The following TMEM9 variants were observed in gnomAD, a reference collection of about 807,000 sequenced individuals.
The protein encoded by TMEM9 is proton-transporting V-type ATPase complex assembly regulator TMEM9.
TMEM9 carries 13 observed loss-of-function variants against 22.8 expected under a neutral mutation model. The ratio of observed to expected loss-of-function variants is 0.57; its 90% CI spans 0.37 to 0.91. The LOEUF is 0.91. Among genes scored for constraint, TMEM9 ranks in the 40% least tolerant of loss-of-function variants. The pLI, the probability that TMEM9 is intolerant of heterozygous loss-of-function variation, is 0.01. For missense variants in TMEM9, 182 were observed against 238.1 expected, an observed-to-expected ratio of 0.76 and a Z score of 1.55; for synonymous variants, 88 against 93.0, an observed-to-expected ratio of 0.95 and a Z score of 0.31.
intron 4 of TMEM9, among the ~76,000 whole-genome samples, chr1:201,141,476 G>T (rs1336236166): frequency 6.6e-6 from 1 of 152,132 alleles, no homozygotes; most frequent in African/African-American, 2.4e-5. Flanking sequence ...CCCAGCCAAG[G>T]GCACCCAATG....
intron 4 of TMEM9, among the ~76,000 whole-genome samples, chr1:201,143,269 T>C (rs7535159): frequency 0.73 from 110,697 of 152,116 alleles, 40,465 homozygotes; most frequent in Non-Finnish European, 0.77. Flanking sequence ...TTCAAACATC[T>C]CTACCCTATC....
At position 201,151,086 on chromosome 1, in the gene TMEM9, A is replaced by T. The variant is rs774233338; in HGVS notation, c.158+675T>A. Among the ~76,000 whole-genome samples the T allele has an allele frequency of 2.6e-5, 4 of 152,240 alleles. No individual in the cohort carries two copies. The South Asian group carries it at 6.2e-4, about 24-fold the overall frequency. On this transcript the variant is annotated intron_variant, in intron 2 of 4. Transcript: ENST00000367330. ...CTGATCCACACCAGTACCTGCTCCC[A>T]CATGTCCCACCTCCCATAACATGCC...
intron 4 of TMEM9, among the ~76,000 whole-genome samples, chr1:201,141,235 C>A (rs1055754251): frequency 6.6e-6 from 1 of 152,254 alleles, no homozygotes; most frequent in Non-Finnish European, 1.5e-5. Context: ...CCAGCCTTTA[C>A]GTTTCCTGCT....
chr1:201,144,364 G>C (rs1664784631), intron 3 of TMEM9: 1 of 197,482 alleles, frequency 5.1e-6, no homozygotes, highest in African/African-American at 2.3e-5. Flanking sequence ...GGAAAGCTGG[G>C]GCCAGGAAAA....
intron 3 of TMEM9, chr1:201,144,683 G>C (rs1458829032): frequency 6.6e-6 from 1 of 152,222 alleles, no homozygotes; most frequent in African/African-American, 2.4e-5. Context: ...CTGGGATTTT[G>C]GGTGGGACAT....
Position 201,140,365 on chromosome 1 carries a change from C to T in TMEM9, c.399+3455G>A, listed in dbSNP as rs149038114. Among the ~76,000 whole-genome samples, 282 of 152,334 alleles carry T rather than the reference C, an allele frequency of 1.9e-3. 2 individuals carry two copies. Among genetic ancestry groups the T allele is most frequent in the African/African-American group, 6.5e-3 (270 of 41,560 alleles). ...AAAACAGCTCTGTTTGCCGTTTCTGCCCCAGCAAACATGCTTGCTTCCTCC... is the reference window on the plus strand; with the variant it reads ...AAAACAGCTCTGTTTGCCGTTTCTGTCCCAGCAAACATGCTTGCTTCCTCC... On this transcript the variant is annotated intron_variant, in intron 4 of 4. Coordinates refer to ENST00000367330, the MANE Select transcript of TMEM9 (RefSeq NM_001288565.2).
In TMEM9 at chr1:201,138,165, T is replaced by C. The variant is rs549770361; in HGVS notation, c.400-2350A>G. Among the ~76,000 whole-genome samples, 70 of 152,294 alleles carry C rather than the reference T, an allele frequency of 4.6e-4. 1 individual carries two copies. The highest frequency in any genetic ancestry group is 1.2e-3 in the South Asian group (6 of 4,818). Reference sequence around the variant, plus strand: ...GCTACGCTTGGAAGGGTGGGGCAGCTTTAGCCCTGCCCTCCTTCCACTGCT... The same window carrying C: ...GCTACGCTTGGAAGGGTGGGGCAGCCTTAGCCCTGCCCTCCTTCCACTGCT... On this transcript the variant is annotated intron_variant, in intron 4 of 4. Transcript: ENST00000367330.
rs1270923558 is a variant in TMEM9, at chr1:201,144,170, G to A, written c.268-219C>T. 1.2e-5 allele frequency: 6 copies of A among 517,214 alleles called. No individual in the cohort carries two copies. The East Asian group carries it at 1.7e-4, about 15-fold the overall frequency. The allele number at this position is 517,214 out of a possible 1,614,324, so 32.0% of individuals were successfully genotyped here. On this transcript the variant is annotated intron_variant, in intron 3 of 4. Transcript: ENST00000367330. ...AAGCACTCTGTCCTAACTTGAGGGA[G>A]TCTGCACAGCAGGCATCACGACAGC...
At chr1:201,153,531 G>A (rs1235584722) in intron 1 of TMEM9, among the ~76,000 whole-genome samples, 1 of 152,162 alleles carries the variant, frequency 6.6e-6, no homozygotes, top group African/African-American at 2.4e-5. Flanking sequence ...AAAAATATCT[G>A]AAACAAAACA....
At chr1:201,164,500 G>A (rs1666027084) in intron 1 of TMEM9, among the ~76,000 whole-genome samples, 1 of 152,172 alleles carries the variant, frequency 6.6e-6, no homozygotes, top group Non-Finnish European at 1.5e-5. Flanking sequence ...ATTAAGCTGA[G>A]CCATATAAAA....
At chr1:201,154,805 A>G (rs1290905476), upstream of TMEM9, among the ~76,000 whole-genome samples, 2 of 152,166 alleles carry the variant, frequency 1.3e-5, no homozygotes, top group East Asian at 3.8e-4. Context: ...AACAAAAACG[A>G]TACGAGATTG....
At chr1:201,148,140 G>A (rs3767515) in intron 2 of TMEM9, among the ~76,000 whole-genome samples, 112,646 of 152,088 alleles carry the variant, frequency 0.74, 41,839 homozygotes, top group Non-Finnish European at 0.77. Flanking sequence ...CAGCACTCTT[G>A]CGTAAGGTGG....
At chr1:201,165,150 T>TATATATATATATATATATA (rs1666040151) in intron 1 of TMEM9, among the ~76,000 whole-genome samples, 2 of 87,072 alleles carry the variant, frequency 2.3e-5, no homozygotes, top group Non-Finnish European at 5.1e-5. Context: ...TAAGAGAAAA[T>TATATATATATATATATATA]TATATATATA....
Position 201,144,255 on chromosome 1 carries a change from T to C in TMEM9, c.268-304A>G. On this transcript the variant is annotated intron_variant, in intron 3 of 4. Coordinates refer to ENST00000367330, the MANE Select transcript of TMEM9 (RefSeq NM_001288565.2). ...TGCCGAGAGGCTCCCGGGGTAGAGA[T>C]GGGAACACAAGGGCCTCCCTGGCTG... 1.4e-5 allele frequency: 4 copies of C among 290,612 alleles called. No individual in the cohort carries two copies. The South Asian group carries it at 1.9e-4, about 14-fold the overall frequency. 18.0% of individuals were successfully genotyped at this position (290,612 alleles called of 1,614,324 possible). A position where few individuals can be genotyped will look rare whatever the true frequency, so the allele number is the denominator to read the frequency against.
At chr1:201,148,655 T>A (rs1572120716) in intron 2 of TMEM9, among the ~76,000 whole-genome samples, 1 of 152,102 alleles carries the variant, frequency 6.6e-6, no homozygotes, top group East Asian at 1.9e-4. Context: ...CAGGGCTGGG[T>A]TTCTGGCAGA....
chr1:201,156,688 AC>A (rs973007357), upstream of TMEM9, among the ~76,000 whole-genome samples: 3 of 152,152 alleles, frequency 2.0e-5, no homozygotes, highest in Non-Finnish European at 4.4e-5. Context: ...GTCCTACCTG[AC>A]CCAGGGCACC....
intron 2 of TMEM9, among the ~76,000 whole-genome samples, chr1:201,147,428 G>A (rs1417436498): frequency 6.6e-6 from 1 of 152,136 alleles, no homozygotes; most frequent in Non-Finnish European, 1.5e-5. Flanking sequence ...CTTTGACACT[G>A]CCTTCCTCTC....
At chr1:201,146,988 T>C in intron 2 of TMEM9, 140 bp from the exon 3 acceptor site, 2 of 685,792 alleles carry the variant, frequency 2.9e-6, no homozygotes, top group Non-Finnish European at 5.0e-6. Flanking sequence ...GGCCAAGGGC[T>C]TATAAAGGAT....
intron 2 of TMEM9, among the ~76,000 whole-genome samples, chr1:201,150,804 G>A (rs910306829): frequency 1.5e-4 from 23 of 152,118 alleles, no homozygotes; most frequent in Non-Finnish European, 5.9e-5. Context: ...TGGTGGTACT[G>A]GAAATGTGTA....
Sources: gnomAD v4.1 joint callset for allele counts (sites outside exome capture counted in the v4.1 genomes callset) on GRCh38, gnomAD v4.1.1 for gene constraint, MANE v1.5 for transcripts, NCBI Gene and HGNC (gene_info 2026-07-23, HGNC 2026-07-21) for gene names.